The following TRPS1 variants were observed in gnomAD, a reference collection of about 807,000 sequenced individuals.
TRPS1 encodes zinc finger transcription factor Trps1.
Under a neutral mutation model 101.2 loss-of-function variants are expected in TRPS1, and 6 were observed. That is an observed-to-expected ratio of 0.06 (90% CI 0.03 to 0.12). The LOEUF (loss-of-function observed/expected upper bound fraction) is 0.12. TRPS1 is among the 10% of genes least tolerant of loss of function. The probability of loss-of-function intolerance (pLI) is 1.00; values close to 1 mark genes in which losing one functional copy is unlikely to be tolerated. For missense variants in TRPS1, 1,363 were observed against 1,567.0 expected, an observed-to-expected ratio of 0.87 and a Z score of 2.20; for synonymous variants, 578 against 589.8, an observed-to-expected ratio of 0.98 and a Z score of 0.29.
intron 5 of TRPS1, among the ~76,000 whole-genome samples, chr8:115,494,594 A>G (rs978464658): frequency 6.6e-6 from 1 of 152,192 alleles, no homozygotes; most frequent in South Asian, 2.1e-4. Context: ...AGAATTAGTT[A>G]TTGGATGCGC....
chr8:115,436,089 G>A (rs949596830), intron 5 of TRPS1, among the ~76,000 whole-genome samples: 11 of 149,370 alleles, frequency 7.4e-5, no homozygotes, highest in Non-Finnish European at 1.0e-4. Context: ...ACTCAAATAA[G>A]CCTTTAATCA....
chr8:115,568,492 A>G (rs1273052830), intron 5 of TRPS1, among the ~76,000 whole-genome samples: 3 of 152,048 alleles, frequency 2.0e-5, no homozygotes, highest in African/African-American at 7.2e-5. Context: ...GTTTACTATA[A>G]AAAATTATCA....
At chr8:115,515,349 G>T (rs925633198) in intron 5 of TRPS1, 4 of 675,206 alleles carry the variant, frequency 5.9e-6, no homozygotes, top group Non-Finnish European at 1.1e-5. Context: ...AATGTGGAAA[G>T]AATTTAAGAA....
chr8:115,461,029 G>A (rs1011663373), intron 5 of TRPS1, among the ~76,000 whole-genome samples: 1 of 152,080 alleles, frequency 6.6e-6, no homozygotes, highest in African/African-American at 2.4e-5. Flanking sequence ...TTCACGCAAG[G>A]TTTCACAGTC....
chr8:115,540,709 T>G (rs1279647513), intron 5 of TRPS1, among the ~76,000 whole-genome samples: 1 of 151,848 alleles, frequency 6.6e-6, no homozygotes, highest in East Asian at 1.9e-4. Flanking sequence ...AATACATACT[T>G]TGGCTAAACT....
At position 115,508,755 on chromosome 8, in the gene TRPS1, T is replaced by C. The variant is rs918618744; in HGVS notation, c.2700+78246A>G. On this transcript the variant is annotated intron_variant, in intron 5 of 6. Coordinates refer to ENST00000395715, the MANE Select transcript of TRPS1 (RefSeq NM_014112.5). The stretch of plus-strand genomic sequence containing the variant: ...AAACCTTTCTCTTGTAACTTTGCTA[T>C]GGTTTCTGAACCTAGACCTTTCTAG... Among the ~76,000 whole-genome samples the C allele has an allele frequency of 4.6e-5, 7 of 152,110 alleles. No individual in the cohort carries two copies. The Middle Eastern group carries it at 0.01, about 222-fold the overall frequency.
At chr8:115,557,187 A>T (rs1816841669) in intron 5 of TRPS1, among the ~76,000 whole-genome samples, 1 of 152,080 alleles carries the variant, frequency 6.6e-6, no homozygotes. Flanking sequence ...ACCTGCCCCC[A>T]TGATTCAATT....
intron 5 of TRPS1, among the ~76,000 whole-genome samples, chr8:115,491,065 A>G (rs1815009244): frequency 6.6e-6 from 1 of 152,210 alleles, no homozygotes; most frequent in Non-Finnish European, 1.5e-5. Context: ...GTTTATGGTA[A>G]CAATTCTCTA....
chr8:115,499,421 G>A (rs772120804), intron 5 of TRPS1, among the ~76,000 whole-genome samples: 64 of 151,938 alleles, frequency 4.2e-4, no homozygotes, highest in Non-Finnish European at 7.1e-4. Context: ...TGTCTTTACT[G>A]GGCTCCTCTT....
chr8:115,587,523 A>C lies in TRPS1; in HGVS notation c.2178T>G (p.Thr726=). The C allele has an allele frequency of 6.2e-7, 1 of 1,614,164 alleles. No individual in the cohort carries two copies. The highest frequency in any genetic ancestry group is 1.6e-4 in the Middle Eastern group (1 of 6,062). ...DTQSLLEHFN[T]VHCQEQDITT... is the part of the protein sequence containing the mutation. ...TGATGTCCTGTTCCTGGCAGTGAAC[A>C]GTGTTGAAGTGCTCCAGTAGTGACT... The change falls in exon 5 of 7, where the codon ACT becomes ACG. Residue 726 remains threonine (T), a synonymous_variant. Transcript: ENST00000395715.
intron 5 of TRPS1, among the ~76,000 whole-genome samples, chr8:115,524,038 G>A (rs1815932930): frequency 6.6e-6 from 1 of 152,062 alleles, no homozygotes; most frequent in South Asian, 2.1e-4. Context: ...CCAGAAAATT[G>A]TTTTTTGGTC....
chr8:115,540,101 A>G (rs545821199), intron 5 of TRPS1, among the ~76,000 whole-genome samples: 1 of 152,320 alleles, frequency 6.6e-6, no homozygotes, highest in Admixed American at 6.5e-5. Flanking sequence ...TAGAATTTAG[A>G]ATTCATAATC....
chr8:115,630,720 T>TTAAG (rs1188753153), intron 1 of TRPS1, among the ~76,000 whole-genome samples: 1 of 152,012 alleles, frequency 6.6e-6, no homozygotes, highest in Non-Finnish European at 1.5e-5. Context: ...GAACAATCCT[T>TTAAG]TAAGTACTAT....
At chr8:115,459,321 C>T (rs577719836) in intron 5 of TRPS1, among the ~76,000 whole-genome samples, 9 of 117,956 alleles carry the variant, frequency 7.6e-5, no homozygotes, top group Non-Finnish European at 1.9e-4. Flanking sequence ...AAGACTCTGT[C>T]TCAAATAATA....
At chr8:115,566,188 G>A (rs1195671865) in intron 5 of TRPS1, among the ~76,000 whole-genome samples, 1 of 152,148 alleles carries the variant, frequency 6.6e-6, no homozygotes, top group African/African-American at 2.4e-5. Flanking sequence ...TTAGCAGGTG[G>A]TCAGAATGTT....
chr8:115,549,112 C>G (rs1013648276), intron 5 of TRPS1, among the ~76,000 whole-genome samples: 1 of 152,158 alleles, frequency 6.6e-6, no homozygotes, highest in African/African-American at 2.4e-5. Flanking sequence ...ATCATTCTAT[C>G]ACAAAGAAAA....
In TRPS1 at chr8:115,418,594, T is replaced by C. The variant is rs903361118; in HGVS notation, c.2701-142A>G. 7 of 1,122,880 alleles carry C rather than the reference T, an allele frequency of 6.2e-6. No individual in the cohort carries two copies. Among genetic ancestry groups the C allele is most frequent in the Middle Eastern group, 2.7e-4 (1 of 3,748 alleles). 69.6% of individuals were successfully genotyped at this position (1,122,880 alleles called of 1,614,324 possible). Reference sequence around the variant, plus strand: ...CTGCCCATAATGAGGTCAGGTTCAATTGTGTTTAATAGGCACCACTGATTT... The same window carrying C: ...CTGCCCATAATGAGGTCAGGTTCAACTGTGTTTAATAGGCACCACTGATTT... On this transcript the variant is annotated intron_variant, in intron 5 of 6. Transcript: ENST00000395715. This position sits in a 1 kb window ranked among gnomAD's most constrained non-coding sequence, Gnocchi z 4.3.
At chr8:115,536,929 A>T (rs188638831) in intron 5 of TRPS1, among the ~76,000 whole-genome samples, 3 of 152,086 alleles carry the variant, frequency 2.0e-5, no homozygotes, top group Non-Finnish European at 4.4e-5. Context: ...CCATTTAAAT[A>T]AAGTTATAAA....
At chr8:115,428,973 C>CAGATA (rs1270344568) in intron 5 of TRPS1, among the ~76,000 whole-genome samples, 1 of 152,108 alleles carries the variant, frequency 6.6e-6, no homozygotes, top group Non-Finnish European at 1.5e-5. Flanking sequence ...CGACCATGAG[C>CAGATA]AGATAATTTC....
Sources: allele counts gnomAD v4.1 joint callset (sites outside exome capture counted in the v4.1 genomes callset), GRCh38; gene constraint gnomAD v4.1.1; non-coding constraint Gnocchi (gnomAD v3.1); transcripts MANE v1.5; gene names NCBI Gene and HGNC (gene_info 2026-07-23, HGNC 2026-07-21).